The following LTF variants were observed in gnomAD, a reference collection of about 807,000 sequenced individuals.
LTF encodes lactotransferrin, also known as epididymis luminal protein 110.
LTF carries 91 observed loss-of-function variants against 87.2 expected under a neutral mutation model. The ratio of observed to expected loss-of-function variants is 1.04; its 90% CI spans 0.88 to 1.24. LTF has a LOEUF of 1.24. Among genes scored for constraint, LTF ranks in the 50% most tolerant of loss-of-function variants. LTF has a pLI of 0.00. For synonymous variants in LTF, 378 were observed against 356.1 expected (o/e 1.06, Z -0.69); for missense variants, 901 against 904.3 (o/e 1.00, Z 0.05).
At chr3:46,454,160 A>G (rs1444155197) in intron 6 of LTF, 145 bp downstream of exon 6, 6 of 751,354 alleles carry the variant, frequency 8.0e-6, no homozygotes, top group Non-Finnish European at 1.4e-5. Context: ...TAAAATATGA[A>G]AGATCATAAA....
intron 1 of LTF, chr3:46,463,732 G>A: frequency 1.2e-6 from 1 of 868,414 alleles, no homozygotes; most frequent in Non-Finnish European, 1.4e-6. Context: ...CCTCCCAGGT[G>A]GCCCTAACCC....
chr3:46,470,493 T>TG (rs1241865799), intron 1 of LTF: 7 of 152,312 alleles, frequency 4.6e-5, no homozygotes, highest in African/African-American at 1.7e-4. Context: ...AGCTGGATCC[T>TG]TCACTCAGTA....
At position 46,460,483 on chromosome 3, in the gene LTF, CA is replaced by C. The variant is rs1703052688; in HGVS notation, c.44-665del. ...TCCTGTTGAGCCTGCTTTTTTTGCT[CA>C]AATACTGGTTCTTCTTTTGAGCCTG... is the stretch of plus-strand genomic sequence containing the variant. On this transcript the variant is annotated intron_variant, in intron 1 of 16. Transcript: ENST00000231751. The C allele has an allele frequency of 1.6e-5, 7 of 441,954 alleles. No individual in the cohort carries two copies. In the Middle Eastern group the frequency reaches 1.1e-3, roughly 67 times the overall value. The allele number at this position is 441,954 out of a possible 1,614,324, so 27.4% of individuals were successfully genotyped here.
At position 46,445,167 on chromosome 3, in the gene LTF, C is replaced by G. The variant is rs567652979; in HGVS notation, c.1513+114G>C. 4.6e-5 allele frequency: 51 copies of G among 1,098,278 alleles called. No individual in the cohort carries two copies. The African/African-American group carries it at 7.7e-4, about 17-fold the overall frequency. 68.0% of individuals were successfully genotyped at this position (1,098,278 alleles called of 1,614,324 possible). A position where few individuals can be genotyped will look rare whatever the true frequency, so the allele number is the denominator to read the frequency against. ...GAGAATTTCCTTATGCTGGAAGAGGCCTGCAGGCCACTATCAGCCTGCAAA... is the reference window on the plus strand; with the variant it reads ...GAGAATTTCCTTATGCTGGAAGAGGGCTGCAGGCCACTATCAGCCTGCAAA... On this transcript the variant is annotated intron_variant, in intron 12 of 16. Transcript: ENST00000231751.
intron 1 of LTF, among the ~76,000 whole-genome samples, chr3:46,477,008 T>C (rs560962774): frequency 9.5e-4 from 144 of 152,336 alleles, no homozygotes; most frequent in Non-Finnish European, 1.8e-3. Flanking sequence ...TATGTATTCT[T>C]TTCTGTTGGT....
intron 10 of LTF, 140 bp downstream of exon 10, chr3:46,447,168 C>T: frequency 1.5e-6 from 1 of 662,248 alleles, no homozygotes; most frequent in Admixed American, 2.5e-5. Flanking sequence ...CGGCCCCTTT[C>T]ATTTCTTCTT....
At chr3:46,437,865 G>C (rs1702421979) in intron 16 of LTF, 75 bp downstream of exon 16, 1 of 1,142,460 alleles carries the variant, frequency 8.8e-7, no homozygotes. Context: ...TTCGTTCCTA[G>C]AATGCTGTTT....
intron 1 of LTF, among the ~76,000 whole-genome samples, chr3:46,462,292 G>A (rs1703101106): frequency 6.6e-6 from 1 of 152,158 alleles, no homozygotes; most frequent in Non-Finnish European, 1.5e-5. Context: ...TGGTGGATGT[G>A]TTAAAAGAGA....
At chr3:46,471,605 G>A (rs1471425115) in intron 1 of LTF, among the ~76,000 whole-genome samples, 1 of 152,214 alleles carries the variant, frequency 6.6e-6, no homozygotes, top group African/African-American at 2.4e-5. Context: ...AGGAGGACAA[G>A]CCCTGCATAA....
intron 1 of LTF, among the ~76,000 whole-genome samples, chr3:46,482,613 A>AAAG (rs1703453969): frequency 1.9e-4 from 7 of 36,402 alleles, no homozygotes; most frequent in Non-Finnish European, 3.8e-4. Context: ...AAGAAAGAAG[A>AAAG]AAGAAAGAAA....
At chr3:46,440,156 G>A (rs993581482) in intron 14 of LTF, among the ~76,000 whole-genome samples, 1 of 152,188 alleles carries the variant, frequency 6.6e-6, no homozygotes, top group African/African-American at 2.4e-5. Flanking sequence ...TGCATGGGTG[G>A]ATTTTTTAGT....
chr3:46,439,480 C>A lies in LTF; in HGVS notation c.1724G>T (p.Gly575Val). The change falls in exon 15 of 17, where the codon GGA becomes GTA. Residue 575 changes from glycine to valine, a missense_variant and splice_region_variant. Coordinates refer to ENST00000231751, the MANE Select transcript of LTF (RefSeq NM_002343.6). ...KDVTVLQNTD[G>V]NNNEAWAKDL... The stretch of plus-strand genomic sequence containing the variant: ...CTTAGCCCATGCCTCATTGTTATTT[C>A]CTGGGGAGAAAAAGAAGGTGGCATC... 6.3e-7 allele frequency: 1 copy of A among 1,597,736 alleles called. No homozygotes were observed. The highest frequency in any genetic ancestry group is 8.5e-7 in the Non-Finnish European group (1 of 1,170,492).
chr3:46,449,144 G>A, intron 8 of LTF, 127 bp from the exon 9 acceptor site: 1 of 809,924 alleles, frequency 1.2e-6, no homozygotes, highest in South Asian at 1.9e-5. Flanking sequence ...GTGGACATGT[G>A]GACCCATACC....
chr3:46,449,155 C>T (rs1193525344), intron 8 of LTF, 138 bp from the exon 9 acceptor site: 4 of 706,314 alleles, frequency 5.7e-6, no homozygotes, highest in Non-Finnish European at 8.9e-6. Flanking sequence ...GACCCATACC[C>T]TCTCCTCCTC....
chr3:46,447,881 T>C (rs923306815), intron 9 of LTF, among the ~76,000 whole-genome samples: 1 of 152,154 alleles, frequency 6.6e-6, no homozygotes, highest in Non-Finnish European at 1.5e-5. Context: ...TCATCAGTAG[T>C]ATGAAACTTC....
chr3:46,474,741 A>G (rs1023413740), intron 1 of LTF, among the ~76,000 whole-genome samples: 3 of 152,244 alleles, frequency 2.0e-5, no homozygotes, highest in African/African-American at 7.2e-5. Flanking sequence ...AATTGAAATC[A>G]TAAAAATTTA....
At chr3:46,472,339 C>G (rs1703302007) in intron 1 of LTF, among the ~76,000 whole-genome samples, 1 of 152,004 alleles carries the variant, frequency 6.6e-6, no homozygotes. Context: ...TCCTTAGCCT[C>G]CTGTGTGCTA....
rs1196602241 is a variant in LTF at position 46,443,558 on chromosome 3, G to A, written c.1538C>T (p.Ala513Val). 7 of 1,613,380 alleles carry A rather than the reference G, an allele frequency of 4.3e-6. No individual in the cohort carries two copies. The highest frequency in any genetic ancestry group is 1.7e-5 in the Admixed American group (1 of 59,966). ...ATTAGATCTCGGGTCAGACCCAGGG[G>A]CACAGCTTTGACTGAAATATTCATC... ...KFDEYFSQSC[A>V]PGSDPRSNLC... is the part of the protein sequence containing the mutation. Residue 513 changes from alanine to valine, a missense_variant, in exon 13 of 17, where the codon GCC becomes GTC. By Grantham distance (64) the Ala-to-Val change is moderately conservative. Coordinates refer to ENST00000231751, the MANE Select transcript of LTF (RefSeq NM_002343.6).
chr3:46,448,430 C>T (rs1393807389), intron 9 of LTF, among the ~76,000 whole-genome samples: 9 of 151,974 alleles, frequency 5.9e-5, no homozygotes, highest in African/African-American at 7.3e-5. Flanking sequence ...GCCCATTATA[C>T]GCTGTTTAGT....
Sources: allele counts gnomAD v4.1 joint callset (sites outside exome capture counted in the v4.1 genomes callset), GRCh38; gene constraint gnomAD v4.1.1; transcripts MANE v1.5; gene names NCBI Gene and HGNC (gene_info 2026-07-23, HGNC 2026-07-21).